Variants in HNF1B observed in about 807,000 individuals in gnomAD.
The protein encoded by HNF1B is HNF1 homeobox B.
A neutral mutation model predicts 61.7 loss-of-function variants in HNF1B; 8 were observed. The ratio of observed to expected loss-of-function variants is 0.13; its 90% CI spans 0.08 to 0.23. The LOEUF (loss-of-function observed/expected upper bound fraction) is 0.23. HNF1B is among the 10% of genes least tolerant of loss of function. The pLI is 1.00. For missense variants in HNF1B, 562 were observed against 714.5 expected (o/e 0.79, Z 2.43); for synonymous variants, 314 against 287.7 (o/e 1.09, Z -0.93).
At chr17:37,731,454 G>A in intron 4 of HNF1B, 141 bp downstream of exon 4, 7 of 744,764 alleles carry the variant, frequency 9.4e-6, no homozygotes, top group South Asian at 1.5e-5. Context: ...TTCCAGGGGA[G>A]TATATTCTGG....
chr17:37,711,897 C>A (rs1023630652), intron 4 of HNF1B, among the ~76,000 whole-genome samples: 1 of 152,118 alleles, frequency 6.6e-6, no homozygotes. Context: ...TAGCTAGAGC[C>A]CCACCTTCCA....
chr17:37,716,650 C>T (rs747136533), intron 4 of HNF1B, among the ~76,000 whole-genome samples: 1 of 152,188 alleles, frequency 6.6e-6, no homozygotes, highest in Non-Finnish European at 1.5e-5. Context: ...GACTGCCTTG[C>T]AGGAGGACCC....
chr17:37,736,276 A>G (rs1392790310), intron 2 of HNF1B, among the ~76,000 whole-genome samples: 2 of 152,154 alleles, frequency 1.3e-5, no homozygotes, highest in Non-Finnish European at 2.9e-5. Flanking sequence ...GGATCATCCC[A>G]AGGGCCTGGG....
intron 5 of HNF1B, among the ~76,000 whole-genome samples, chr17:37,710,174 A>C (rs1455543386): frequency 8.3e-6 from 1 of 120,488 alleles, no homozygotes; most frequent in African/African-American, 2.6e-5. Context: ...GGGGGGAGGG[A>C]TGAATGAACA....
At position 37,737,218 on chromosome 17, in the gene HNF1B, C is replaced by T. The variant is rs576527848; in HGVS notation, c.544+2222G>A. Among the ~76,000 whole-genome samples, 3 of 152,284 alleles carry T rather than the reference C, an allele frequency of 2.0e-5. No homozygotes were observed. In the East Asian group the frequency reaches 5.8e-4, roughly 29 times the overall value. ...CTTACTTCCTAATTCTTATATCATGCTTGCATGTCTTACATTCATCCTTCA... is the reference window on the plus strand; with the variant it reads ...CTTACTTCCTAATTCTTATATCATGTTTGCATGTCTTACATTCATCCTTCA... On this transcript the variant is annotated intron_variant, in intron 2 of 8. Transcript: ENST00000617811.
intron 3 of HNF1B, among the ~76,000 whole-genome samples, chr17:37,732,680 TA>T (rs3837868): frequency 6.6e-6 from 1 of 151,322 alleles, no homozygotes; most frequent in Non-Finnish European, 1.5e-5. Flanking sequence ...TCCAATCGTT[TA>T]AAAAAAAATA....
Position 37,702,194 on chromosome 17 carries a change from C to G in HNF1B, c.1340-1017G>C, listed in dbSNP as rs1030657399. ...ATGAAGAAGGAATCCAGAAAAAGGTCTGTTTTAGGTGGATGTGGAAGGGAC... is the reference window on the plus strand; with the variant it reads ...ATGAAGAAGGAATCCAGAAAAAGGTGTGTTTTAGGTGGATGTGGAAGGGAC... On this transcript the variant is annotated intron_variant, in intron 6 of 8. Coordinates refer to ENST00000617811, the MANE Select transcript of HNF1B (RefSeq NM_000458.4). 2.0e-5 allele frequency among the ~76,000 whole-genome samples: 3 copies of G among 152,118 alleles called. No individual in the cohort carries two copies. In the South Asian group the frequency reaches 6.2e-4, roughly 31 times the overall value.
intron 4 of HNF1B, among the ~76,000 whole-genome samples, chr17:37,722,322 C>T (rs762035982): frequency 1.3e-4 from 20 of 152,206 alleles, no homozygotes; most frequent in Non-Finnish European, 2.6e-4. Context: ...CCTTGCCAGG[C>T]ACTGTGCTTG....
Position 37,744,653 on chromosome 17 carries a change from C to A in HNF1B, c.232G>T (p.Glu78Ter). 1 of 1,613,022 alleles carries A rather than the reference C, an allele frequency of 6.2e-7. No homozygotes were observed. The highest frequency in any genetic ancestry group is 8.5e-7 in the Non-Finnish European group (1 of 1,180,032). Reference sequence around the variant, plus strand: ...TAGTCGTCGCCGTCCTCGGAGCCCTCGTCGCCGGACAAGCGGCCCTTGGCG... The same window carrying A: ...TAGTCGTCGCCGTCCTCGGAGCCCTAGTCGCCGGACAAGCGGCCCTTGGCG... Reference protein sequence around the residue: ...GHAKGRLSGDEGSEDGDDYDT... With the variant: ...GHAKGRLSGD The change falls in exon 1 of 9, where the codon GAG (glutamate) becomes TAG (stop). Residue 78 changes from glutamate (E) to a stop codon, truncating the protein, a stop_gained. Coordinates refer to ENST00000617811, the MANE Select transcript of HNF1B (RefSeq NM_000458.4). LOFTEE classifies it high-confidence loss of function.
intron 7 of HNF1B, among the ~76,000 whole-genome samples, chr17:37,699,718 G>A (rs1477919106): frequency 6.6e-6 from 1 of 152,188 alleles, no homozygotes; most frequent in Non-Finnish European, 1.5e-5. Context: ...AAGGGAAGTG[G>A]GGCACATGTG....
Position 37,710,628 on chromosome 17 carries a change from T to C in HNF1B, c.1081A>G (p.Thr361Ala). Residue 361 changes from threonine to alanine, a missense_variant, in exon 5 of 9, where the codon ACT (threonine) becomes GCT (alanine). By Grantham distance (58) the Thr-to-Ala change is moderately conservative. Transcript: ENST00000617811. ...TGGTGACTGATTGTTGAGGAGGAAG[T>C]GATCTCATTGTTTCCCTGCTGGCTG... ...RYSQQGNNEI[T>A]SSSTISHHGN... 6.2e-7 allele frequency: 1 copy of C among 1,613,972 alleles called. No individual in the cohort carries two copies. Among genetic ancestry groups the C allele is most frequent in the Non-Finnish European group, 8.5e-7 (1 of 1,179,986 alleles).
intron 4 of HNF1B, among the ~76,000 whole-genome samples, chr17:37,727,977 C>A (rs560196628): frequency 6.6e-6 from 1 of 152,010 alleles, no homozygotes; most frequent in East Asian, 1.9e-4. Flanking sequence ...CTCTCCTCAG[C>A]AACATGGAGT....
At chr17:37,720,185 A>G (rs1056663498) in intron 4 of HNF1B, among the ~76,000 whole-genome samples, 3 of 152,178 alleles carry the variant, frequency 2.0e-5, no homozygotes, top group African/African-American at 7.2e-5. Context: ...GCAGTAGTCC[A>G]GTCCCTTTTC....
chr17:37,737,027 G>A (rs993088942), intron 2 of HNF1B, among the ~76,000 whole-genome samples: 5 of 152,274 alleles, frequency 3.3e-5, no homozygotes, highest in Admixed American at 6.5e-5. Context: ...TATAGGCTTG[G>A]GGGCTGCTTG....
intron 5 of HNF1B, among the ~76,000 whole-genome samples, chr17:37,706,338 G>A (rs544111682): frequency 1.2e-3 from 183 of 152,130 alleles, no homozygotes; most frequent in Middle Eastern, 3.4e-3. Flanking sequence ...AGAGCATCAG[G>A]AACCCCGAGA....
At chr17:37,732,680 T>TA (rs3837868) in intron 3 of HNF1B, among the ~76,000 whole-genome samples, 51,043 of 151,348 alleles carry the variant, frequency 0.34, 8,795 homozygotes, top group Middle Eastern at 0.38. Context: ...TCCAATCGTT[T>TA]AAAAAAAAAT....
chr17:37,716,842 A>ATC (rs55634127), intron 4 of HNF1B, among the ~76,000 whole-genome samples: 7,845 of 130,806 alleles, frequency 0.06, 315 homozygotes, highest in Admixed American at 0.11. Context: ...CACTTTAACA[A>ATC]TCTCTCTCTC....
intron 1 of HNF1B, 65 bp downstream of exon 1, chr17:37,744,476 A>T (rs111699857): frequency 7.2e-6 from 11 of 1,533,948 alleles, no homozygotes; most frequent in Admixed American, 3.4e-5. Flanking sequence ...GCGCAGTGTC[A>T]CTCAGGCCCG....
At chr17:37,734,938 G>A (rs2033791805) in intron 2 of HNF1B, among the ~76,000 whole-genome samples, 1 of 151,802 alleles carries the variant, frequency 6.6e-6, no homozygotes, top group African/African-American at 2.4e-5. Flanking sequence ...ATAGGTGTGC[G>A]GCACCATGCC....
Sources: gnomAD v4.1 joint callset for allele counts (sites outside exome capture counted in the v4.1 genomes callset) on GRCh38, gnomAD v4.1.1 for gene constraint, MANE v1.5 for transcripts, NCBI Gene and HGNC (gene_info 2026-07-23, HGNC 2026-07-21) for gene names.